The following EYA2 variants were observed in gnomAD, a reference collection of about 807,000 sequenced individuals.
The protein encoded by EYA2 is protein phosphatase EYA2.
In EYA2, 31 loss-of-function variants were observed where a neutral mutation model predicts 69.2. That is an observed-to-expected ratio of 0.45 (90% CI 0.34 to 0.60). EYA2 has a LOEUF of 0.60. EYA2 is among the 20% of genes least tolerant of loss of function. EYA2 has a pLI of 0.02. For missense variants in EYA2, 622 were observed against 701.2 expected (o/e 0.89, Z 1.28); for synonymous variants, 257 against 279.4 (o/e 0.92, Z 0.80).
chr20:47,162,517 C>CTTTTT lies in EYA2; in HGVS notation c.979-6608_979-6604dup, dbSNP rs10634442. ...AAAAGCAGTACATACACACATTATC[C>CTTTTT]TTTTTTTTTTTTTTTTTTGAGACAC... On this transcript the variant is annotated intron_variant, in intron 10 of 15. Transcript: ENST00000327619. 2.1e-3 allele frequency among the ~76,000 whole-genome samples: 255 copies of CTTTTT among 121,560 alleles called. 8 individuals are homozygous for CTTTTT. Among genetic ancestry groups the CTTTTT allele is most frequent in the African/African-American group, 5.9e-3 (183 of 30,966 alleles). The allele number at this position is 121,560 out of a possible 152,430, so 79.7% of individuals were successfully genotyped here. A position where few individuals can be genotyped will look rare whatever the true frequency, so the allele number is the denominator to read the frequency against.
chr20:46,973,223 G>C (rs1259554679), intron 1 of EYA2, among the ~76,000 whole-genome samples: 1 of 152,166 alleles, frequency 6.6e-6, no homozygotes, highest in Non-Finnish European at 1.5e-5. Context: ...ACAATGAAAA[G>C]AGAAATGCAT....
intron 4 of EYA2, among the ~76,000 whole-genome samples, chr20:47,014,229 C>T (rs148672592): frequency 5.9e-5 from 9 of 152,134 alleles, no homozygotes; most frequent in Non-Finnish European, 1.0e-4. Context: ...TGAAGCAAAC[C>T]ATCTAGGACT....
intron 1 of EYA2, among the ~76,000 whole-genome samples, chr20:46,940,219 TAAG>T (rs1303494343): frequency 6.6e-6 from 1 of 152,212 alleles, no homozygotes; most frequent in African/African-American, 2.4e-5. Flanking sequence ...AAGTCAATAA[TAAG>T]AACAGCTGAG....
chr20:47,008,554 A>G (rs1982868879), intron 4 of EYA2, among the ~76,000 whole-genome samples: 1 of 152,238 alleles, frequency 6.6e-6, no homozygotes, highest in South Asian at 2.1e-4. Flanking sequence ...AAATGAAGCC[A>G]TATTCTTTTT....
intron 11 of EYA2, 62 bp downstream of exon 11, chr20:47,169,259 C>A: frequency 6.6e-7 from 1 of 1,524,978 alleles, no homozygotes; most frequent in Non-Finnish European, 9.1e-7. Flanking sequence ...AGTTATCCTT[C>A]TACTAGGAAG....
intron 9 of EYA2, among the ~76,000 whole-genome samples, chr20:47,118,859 A>G (rs573912678): frequency 3.3e-5 from 5 of 152,258 alleles, no homozygotes; most frequent in African/African-American, 1.2e-4. Context: ...TCCTTCGCCA[A>G]CTTCCCCCGC....
chr20:46,948,496 C>G (rs746648621), intron 1 of EYA2, among the ~76,000 whole-genome samples: 16 of 152,126 alleles, frequency 1.1e-4, no homozygotes, highest in Non-Finnish European at 2.1e-4. Flanking sequence ...TTGAAAACCC[C>G]AAGTGACGAT....
intron 9 of EYA2, among the ~76,000 whole-genome samples, chr20:47,097,575 T>A (rs1016171933): frequency 1.3e-5 from 2 of 152,200 alleles, no homozygotes; most frequent in Non-Finnish European, 2.9e-5. Context: ...TAATTTTCCT[T>A]CTGTTTTTTT....
chr20:46,955,724 G>A (rs553657548), intron 1 of EYA2, among the ~76,000 whole-genome samples: 3 of 152,170 alleles, frequency 2.0e-5, no homozygotes, highest in Admixed American at 6.5e-5. Flanking sequence ...TCATAATCTC[G>A]ACATTTTTTC....
chr20:46,895,650 G>T (rs1983769172), intron 1 of EYA2, among the ~76,000 whole-genome samples: 1 of 152,226 alleles, frequency 6.6e-6, no homozygotes, highest in Admixed American at 6.5e-5. Context: ...CAAGGATTTC[G>T]TTGTAATGGG....
chr20:47,180,778 C>T, intron 13 of EYA2, 37 bp from the exon 14 acceptor site: 2 of 1,605,042 alleles, frequency 1.2e-6, no homozygotes, highest in Non-Finnish European at 1.7e-6. Flanking sequence ...CCTTGTGGTC[C>T]CTCTGAGTTC....
chr20:46,937,400 A>T (rs1985956795), intron 1 of EYA2, among the ~76,000 whole-genome samples: 1 of 152,194 alleles, frequency 6.6e-6, no homozygotes, highest in Non-Finnish European at 1.5e-5. Context: ...TGTTGTAAAA[A>T]TTAAATGAAT....
rs557011231 is a variant in EYA2 at position 47,145,775 on chromosome 20, C to G, written c.978+2627C>G. ...TATTAGCCAGGTGTGGTGGCGGGTGCCTGTAATCCCAGCTACTCAGGAAGC... is the reference window on the plus strand; with the variant it reads ...TATTAGCCAGGTGTGGTGGCGGGTGGCTGTAATCCCAGCTACTCAGGAAGC... On this transcript the variant is annotated intron_variant, in intron 10 of 15. Coordinates refer to ENST00000327619, the MANE Select transcript of EYA2 (RefSeq NM_005244.5). Among the ~76,000 whole-genome samples the G allele has an allele frequency of 2.0e-5, 3 of 151,990 alleles. No homozygotes were observed. In the South Asian group the frequency reaches 6.3e-4, roughly 32 times the overall value.
intron 5 of EYA2, among the ~76,000 whole-genome samples, chr20:47,054,945 C>T (rs2030531667): frequency 1.3e-5 from 2 of 152,214 alleles, no homozygotes; most frequent in South Asian, 4.1e-4. Flanking sequence ...AACATGTCAG[C>T]CAGATTTGGT....
intron 9 of EYA2, among the ~76,000 whole-genome samples, chr20:47,106,710 G>A (rs2032589320): frequency 6.6e-6 from 1 of 152,046 alleles, no homozygotes; most frequent in African/African-American, 2.4e-5. Context: ...TTTGCTTCCT[G>A]GCACACGTGG....
intron 5 of EYA2, among the ~76,000 whole-genome samples, chr20:47,046,898 C>T (rs1313148755): frequency 6.6e-6 from 1 of 152,132 alleles, no homozygotes; most frequent in Non-Finnish European, 1.5e-5. Context: ...TACCACTTAG[C>T]TGGGCAACCT....
At chr20:47,107,192 T>C (rs1432067128) in intron 9 of EYA2, among the ~76,000 whole-genome samples, 1 of 152,156 alleles carries the variant, frequency 6.6e-6, no homozygotes, top group Non-Finnish European at 1.5e-5. Context: ...GGAGCTGATA[T>C]CCTTGGGGAG....
intron 10 of EYA2, among the ~76,000 whole-genome samples, chr20:47,156,017 A>AAT (rs556903919): frequency 2.2e-4 from 29 of 132,686 alleles, no homozygotes; most frequent in East Asian, 7.2e-4. Flanking sequence ...TCTCTACTTA[A>AAT]ATATATATAT....
At chr20:46,968,419 G>A (rs1028037257) in intron 1 of EYA2, among the ~76,000 whole-genome samples, 2 of 152,148 alleles carry the variant, frequency 1.3e-5, no homozygotes, top group African/African-American at 2.4e-5. Flanking sequence ...TCTGAGGTTG[G>A]CGCCTTTCTT....
Sources: gnomAD v4.1 joint callset for allele counts (sites outside exome capture counted in the v4.1 genomes callset) on GRCh38, gnomAD v4.1.1 for gene constraint, MANE v1.5 for transcripts, NCBI Gene and HGNC (gene_info 2026-07-23, HGNC 2026-07-21) for gene names.